DGKD: variants seen among roughly 807,000 people sequenced by gnomAD.
The protein encoded by DGKD is diacylglycerol kinase delta, also known as DAG kinase delta.
Under a neutral mutation model 154.4 loss-of-function variants are expected in DGKD, and 68 were observed. The observed-to-expected ratio is 0.44, with a 90% CI of 0.36 to 0.54. The LOEUF (loss-of-function observed/expected upper bound fraction) is 0.54. Among genes scored for constraint, DGKD ranks in the 20% least tolerant of loss-of-function variants. The pLI is 0.00. For missense variants in DGKD, 1,343 were observed against 1,593.6 expected, an observed-to-expected ratio of 0.84 and a Z score of 2.68; for synonymous variants, 693 against 638.0, an observed-to-expected ratio of 1.09 and a Z score of -1.30.
In DGKD at chr2:233,445,897, A is replaced by G. The variant is rs2063054415; in HGVS notation, c.1334+135A>G. 2 of 1,133,916 alleles carry G rather than the reference A, an allele frequency of 1.8e-6. No homozygotes were observed. Among genetic ancestry groups the G allele is most frequent in the South Asian group, 1.9e-5 (1 of 53,624 alleles). 70.2% of individuals were successfully genotyped at this position (1,133,916 alleles called of 1,614,324 possible). A position where few individuals can be genotyped will look rare whatever the true frequency, so the allele number is the denominator to read the frequency against. ...ATTTGTAAAGATTTGACCTGAGTAT[A>G]TATTCGGATAGTCTTTGATATTTGG... On this transcript the variant is annotated intron_variant, in intron 11 of 29. Coordinates refer to ENST00000264057, the MANE Select transcript of DGKD (RefSeq NM_152879.3). The surrounding 1 kb of genome is among the most constrained non-coding windows in gnomAD (Gnocchi z 5.5).
At chr2:233,429,684 T>C (rs908440759) in intron 3 of DGKD, among the ~76,000 whole-genome samples, 3 of 152,218 alleles carry the variant, frequency 2.0e-5, no homozygotes, top group Non-Finnish European at 4.4e-5. Context: ...GGGTGTCCTC[T>C]GGAGGGAGAG....
intron 3 of DGKD, among the ~76,000 whole-genome samples, chr2:233,432,872 G>A (rs186993425): frequency 3.9e-5 from 6 of 152,264 alleles, no homozygotes; most frequent in Admixed American, 6.5e-5. Context: ...TCAGAGAAAT[G>A]CAAATAAAAA....
At chr2:233,460,371 G>C (rs73117574) in intron 24 of DGKD, 26 bp downstream of exon 24, 53,423 of 1,611,548 alleles carry the variant, frequency 0.033, 1,264 homozygotes, top group African/African-American at 0.12. Context: ...TCTGCGTTGC[G>C]CATGAGCCTC....
Position 233,445,759 on chromosome 2 carries a change from A to G in DGKD, c.1331A>G (p.Asp444Gly). ...GAGAGAGCCAGCACCAAGATGCTGG[A>G]CAGGTGAGTGGGGATGTGCTCCGGT... ...KLERASTKML[D>G]RWSVMAYEAK... The change falls in exon 11 of 30, where the codon GAC becomes GGC. Residue 444 changes from aspartate (D) to glycine (G), a missense_variant. Coordinates refer to ENST00000264057, the MANE Select transcript of DGKD (RefSeq NM_152879.3). This position sits in a 1 kb window ranked among gnomAD's most constrained non-coding sequence, Gnocchi z 5.5. 2 of 1,611,896 alleles carry G rather than the reference A, an allele frequency of 1.2e-6. No individual in the cohort carries two copies. The highest frequency in any genetic ancestry group is 1.7e-6 in the Non-Finnish European group (2 of 1,178,858).
At chr2:233,433,311 C>T (rs1216571491) in intron 3 of DGKD, among the ~76,000 whole-genome samples, 1 of 151,958 alleles carries the variant, frequency 6.6e-6, no homozygotes, top group Non-Finnish European at 1.5e-5. Context: ...CAGGAGGACC[C>T]TTAATGTTAA....
intron 14 of DGKD, 38 bp downstream of exon 14, chr2:233,448,413 C>T: frequency 6.3e-7 from 1 of 1,586,898 alleles, no homozygotes; most frequent in Non-Finnish European, 8.6e-7. Context: ...GGCATTGAGG[C>T]AGCGAGAAGC....
chr2:233,411,604 A>ATTTTT, intron 3 of DGKD, among the ~76,000 whole-genome samples: 1 of 152,290 alleles, frequency 6.6e-6, no homozygotes, highest in East Asian at 1.9e-4. Context: ...TGTGTTGTGA[A>ATTTTT]TGTTTTTCTC....
chr2:233,462,812 A>C (rs1257085380), intron 26 of DGKD, 77 bp downstream of exon 26: 1 of 1,269,256 alleles, frequency 7.9e-7, no homozygotes, highest in Admixed American at 1.7e-5. Flanking sequence ...CTGGGCACAC[A>C]GGGCAGCACA....
chr2:233,354,812 T>A lies in DGKD; in HGVS notation c.156+138T>A. On this transcript the variant is annotated intron_variant, in intron 1 of 29. Coordinates refer to ENST00000264057, the MANE Select transcript of DGKD (RefSeq NM_152879.3). This position sits in a 1 kb window ranked among gnomAD's most constrained non-coding sequence, Gnocchi z 4.8. ...GGTCCCGCGGGCGTCACCGCCCCTG[T>A]CGAGCGTGCCCCGCCGCTGTAACGG... 6.1e-6 allele frequency: 2 copies of A among 329,778 alleles called. No individual in the cohort carries two copies. Among genetic ancestry groups the A allele is most frequent in the Non-Finnish European group, 8.5e-6 (2 of 235,258 alleles). 20.4% of individuals were successfully genotyped at this position (329,778 alleles called of 1,614,324 possible).
chr2:233,439,684 C>G lies in DGKD; in HGVS notation c.1085+1305C>G, dbSNP rs144866233. On this transcript the variant is annotated intron_variant, in intron 9 of 29. Coordinates refer to ENST00000264057, the MANE Select transcript of DGKD (RefSeq NM_152879.3). The stretch of plus-strand genomic sequence containing the variant: ...TCAAACCACCCTCCTGCCTTAGCCT[C>G]CTGAGTAGCTGGGACTACAGGTGTG... Among the ~76,000 whole-genome samples, 10 of 152,266 alleles carry G rather than the reference C, an allele frequency of 6.6e-5. No individual in the cohort carries two copies. The East Asian group carries it at 1.9e-3, about 29-fold the overall frequency.
chr2:233,377,133 A>G, intron 1 of DGKD, among the ~76,000 whole-genome samples: 1 of 132,900 alleles, frequency 7.5e-6, no homozygotes, highest in African/African-American at 3.0e-5. Flanking sequence ...CCCAGGCAGG[A>G]GAGCAATGGC....
intron 3 of DGKD, among the ~76,000 whole-genome samples, chr2:233,418,243 T>G (rs1185415976): frequency 3.9e-4 from 60 of 152,270 alleles, no homozygotes; most frequent in East Asian, 1.9e-4. Flanking sequence ...GAAACCACAT[T>G]TGTTTGTATT....
Position 233,446,752 on chromosome 2 carries a change from GCCT to G in DGKD, c.1383_1385del (p.Ser462del), listed in dbSNP as rs763461738. 6.8e-6 allele frequency: 11 copies of G among 1,614,178 alleles called. No homozygotes were observed. The highest frequency in any genetic ancestry group is 1.1e-5 in the South Asian group (1 of 91,084). ...ATACGAGGCCAAGCTCCCCCGGCAG[GCCT>G]CCTCCTCTACCGTCACCGAAGACTT... On this transcript the variant is annotated inframe_deletion, in exon 12 of 30. Transcript: ENST00000264057.
chr2:233,447,551 G>A, intron 12 of DGKD: 3 of 985,698 alleles, frequency 3.0e-6, no homozygotes, highest in Non-Finnish European at 3.6e-6. Context: ...GGAAGAGTGT[G>A]TGGGGGAAGC....
intron 26 of DGKD, chr2:233,463,961 G>A (rs1393987961): frequency 6.3e-6 from 4 of 635,468 alleles, no homozygotes; most frequent in East Asian, 2.8e-5. Flanking sequence ...CTGATGGACA[G>A]TTTTATTCTC....
At chr2:233,361,473 C>G (rs139868968) in intron 1 of DGKD, among the ~76,000 whole-genome samples, 77 of 152,266 alleles carry the variant, frequency 5.1e-4, no homozygotes, top group African/African-American at 1.8e-3. Context: ...AAATAGACAT[C>G]AAGGGAGGCG....
chr2:233,395,767 C>G (rs927302398), intron 3 of DGKD, among the ~76,000 whole-genome samples: 9 of 151,362 alleles, frequency 5.9e-5, no homozygotes, highest in Non-Finnish European at 4.4e-5. Context: ...ATATCAGGCT[C>G]AAGCGATCCA....
intron 3 of DGKD, among the ~76,000 whole-genome samples, chr2:233,396,211 A>G (rs907398631): frequency 3.9e-5 from 6 of 152,172 alleles, no homozygotes; most frequent in African/African-American, 1.2e-4. Flanking sequence ...CTCTTGTGCA[A>G]TGCGGGTTTG....
At chr2:233,436,192 G>A in intron 6 of DGKD, 124 bp from the exon 7 acceptor site, 3 of 1,471,142 alleles carry the variant, frequency 2.0e-6, no homozygotes, top group Non-Finnish European at 1.9e-6. Context: ...TCCCTCACTG[G>A]CCATCAGGGA....
Sources: gnomAD v4.1 joint callset for allele counts (sites outside exome capture counted in the v4.1 genomes callset) on GRCh38, gnomAD v4.1.1 for gene constraint, Gnocchi (gnomAD v3.1) non-coding constraint, MANE v1.5 for transcripts, NCBI Gene and HGNC (gene_info 2026-07-23, HGNC 2026-07-21) for gene names.